The following CEP20 variants were observed in gnomAD, a reference collection of about 807,000 sequenced individuals.
CEP20 encodes FGFR1OP N-terminal like.
CEP20 carries 18 observed loss-of-function variants against 20.0 expected under a neutral mutation model. That is an observed-to-expected ratio of 0.90 (90% CI 0.62 to 1.34). The LOEUF (loss-of-function observed/expected upper bound fraction) is 1.34, where lower values mean the gene tolerates loss of function less well. Ranked by LOEUF, CEP20 falls within the 40% of genes most tolerant of loss-of-function variation. The pLI, the probability that CEP20 is intolerant of heterozygous loss-of-function variation, is 0.00. For missense variants in CEP20, 215 were observed against 201.6 expected, an observed-to-expected ratio of 1.07 and a Z score of -0.40; for synonymous variants, 77 against 73.7, an observed-to-expected ratio of 1.04 and a Z score of -0.23.
chr16:15,874,237 A>C (rs2044890248), intron 3 of CEP20, among the ~76,000 whole-genome samples: 1 of 152,198 alleles, frequency 6.6e-6, no homozygotes, highest in African/African-American at 2.4e-5. Flanking sequence ...GCACATATGA[A>C]ATGGTATATA....
chr16:15,884,177 C>A lies in CEP20; in HGVS notation c.57G>T (p.Gly19=). 2 of 1,611,524 alleles carry A rather than the reference C, an allele frequency of 1.2e-6. No homozygotes were observed. Among genetic ancestry groups the A allele is most frequent in the Admixed American group, 3.3e-5 (2 of 59,924 alleles). ...AVLKDTLEKK[G]VLGHLKARIR... ...TCCTTGCTTTTAAATGCCCTAATAC[C>A]CCCTTTTTTTCCAAGGTGTCCTTTA... The change falls in exon 2 of 5, where the codon GGG becomes GGT. Residue 19 remains glycine, a synonymous_variant. Transcript: ENST00000255759.
At chr16:15,870,643 C>T (rs778792021) in intron 4 of CEP20, among the ~76,000 whole-genome samples, 1 of 151,486 alleles carries the variant, frequency 6.6e-6, no homozygotes, top group Non-Finnish European at 1.5e-5. Context: ...AGGACAAGAC[C>T]CTGACTGCAA....
At chr16:15,874,430 A>T (rs1351999262) in intron 3 of CEP20, among the ~76,000 whole-genome samples, 1 of 152,174 alleles carries the variant, frequency 6.6e-6, no homozygotes, top group Non-Finnish European at 1.5e-5. Flanking sequence ...TTTGCTAGAG[A>T]TTCCCCCAGA....
chr16:15,874,191 G>T (rs549100203), intron 3 of CEP20, among the ~76,000 whole-genome samples: 2 of 152,168 alleles, frequency 1.3e-5, no homozygotes, highest in African/African-American at 2.4e-5. Flanking sequence ...TGCACTAAAT[G>T]AGTTAATAAA....
intron 4 of CEP20, among the ~76,000 whole-genome samples, chr16:15,867,973 C>CA (rs34250443): frequency 0.1 from 6,938 of 69,130 alleles, 301 homozygotes; most frequent in East Asian, 0.3. Flanking sequence ...AACTCGGTCT[C>CA]AAAAAAAAAA....
intron 1 of CEP20, among the ~76,000 whole-genome samples, chr16:15,887,371 C>T (rs1420926707): frequency 6.6e-6 from 1 of 152,202 alleles, no homozygotes; most frequent in East Asian, 1.9e-4. Context: ...ATACACGTCT[C>T]CTCCCTAAAA....
chr16:15,876,453 C>A (rs953326562), intron 3 of CEP20, among the ~76,000 whole-genome samples: 1 of 150,750 alleles, frequency 6.6e-6, no homozygotes, highest in African/African-American at 2.4e-5. Flanking sequence ...CCAGCCTGGA[C>A]GACAGAGTGA....
chr16:15,870,232 G>C (rs1184116115), intron 4 of CEP20, among the ~76,000 whole-genome samples: 1 of 152,184 alleles, frequency 6.6e-6, no homozygotes, highest in African/African-American at 2.4e-5. Context: ...TTACAAACCA[G>C]AAAGTTATTT....
At chr16:15,884,305 C>T in intron 1 of CEP20, 100 bp from the exon 2 acceptor site, 1 of 1,078,800 alleles carries the variant, frequency 9.3e-7, no homozygotes, top group Non-Finnish European at 1.3e-6. Flanking sequence ...GGTACAAAAA[C>T]AGCTCTCAAG....
intron 4 of CEP20, among the ~76,000 whole-genome samples, chr16:15,869,418 T>G (rs2044760327): frequency 6.6e-6 from 1 of 151,744 alleles, no homozygotes; most frequent in Non-Finnish European, 1.5e-5. Context: ...TCAAGCGATT[T>G]TCCTGCCTCG....
At chr16:15,877,435 T>C (rs564932438) in intron 3 of CEP20, among the ~76,000 whole-genome samples, 7 of 152,196 alleles carry the variant, frequency 4.6e-5, no homozygotes, top group East Asian at 1.9e-4. Flanking sequence ...CCCAATTATT[T>C]TTCCCACTGT....
chr16:15,884,554 T>G (rs930493272), intron 1 of CEP20, among the ~76,000 whole-genome samples: 1 of 152,144 alleles, frequency 6.6e-6, no homozygotes, highest in African/African-American at 2.4e-5. Context: ...CAGGCTGGAG[T>G]GCAGTGGCAC....
intron 1 of CEP20, among the ~76,000 whole-genome samples, chr16:15,887,860 C>G (rs569753282): frequency 1.3e-5 from 2 of 151,946 alleles, no homozygotes; most frequent in African/African-American, 4.8e-5. Context: ...TTGAGGGGGC[C>G]AAGGCAGGAG....
intron 4 of CEP20, among the ~76,000 whole-genome samples, chr16:15,870,952 C>T (rs1443409624): frequency 2.0e-5 from 3 of 152,102 alleles, no homozygotes. Context: ...TTTAAATACA[C>T]AGAAATGAGT....
At chr16:15,882,201 T>TGCCA (rs2151429730) in intron 2 of CEP20, among the ~76,000 whole-genome samples, 1 of 152,330 alleles carries the variant, frequency 6.6e-6, no homozygotes, top group East Asian at 1.9e-4. Flanking sequence ...GCTAAGCAGA[T>TGCCA]GCCAGTGCCA....
At chr16:15,872,313 C>CAAAAA (rs200581304) in intron 4 of CEP20, among the ~76,000 whole-genome samples, 1 of 114,400 alleles carries the variant, frequency 8.7e-6, no homozygotes, top group Non-Finnish European at 1.9e-5. Flanking sequence ...GACTCTGTCT[C>CAAAAA]AAAAAAAAAA....
chr16:15,877,620 G>A (rs990397944), intron 3 of CEP20, among the ~76,000 whole-genome samples: 10 of 152,068 alleles, frequency 6.6e-5, no homozygotes, highest in Admixed American at 1.3e-4. Context: ...TACAAAAATT[G>A]GCCAGGCATG....
chr16:15,882,878 G>A (rs1470089025), intron 2 of CEP20: 1 of 151,692 alleles, frequency 6.6e-6, no homozygotes, highest in East Asian at 1.9e-4. Context: ...AGTTGGACCA[G>A]CCTGTCCAAT....
At chr16:15,871,275 AAAATAAAATAAAAT>A (rs2044811610) in intron 4 of CEP20, among the ~76,000 whole-genome samples, 1 of 151,400 alleles carries the variant, frequency 6.6e-6, no homozygotes, top group Non-Finnish European at 1.5e-5. Context: ...TAATAATAAT[AAAATAAAATAAAAT>A]AAATAAAATA....
Sources: gnomAD v4.1 joint callset for allele counts (sites outside exome capture counted in the v4.1 genomes callset) on GRCh38, gnomAD v4.1.1 for gene constraint, MANE v1.5 for transcripts, NCBI Gene and HGNC (gene_info 2026-07-23, HGNC 2026-07-21) for gene names.